The following SDK1 variants were observed in gnomAD, a reference collection of about 807,000 sequenced individuals.
SDK1 encodes the protein protein sidekick-1.
A neutral mutation model predicts 245.5 loss-of-function variants in SDK1; 157 were observed. The ratio of observed to expected loss-of-function variants is 0.64; its 90% confidence interval spans 0.56 to 0.73. The LOEUF (loss-of-function observed/expected upper bound fraction) is 0.73. Ranked by LOEUF, SDK1 falls within the 30% of genes least tolerant of loss-of-function variation. The pLI is 0.00. For missense variants in SDK1, 3,583 were observed against 3,002.3 expected, an observed-to-expected ratio of 1.19 and a Z score of -4.52; for synonymous variants, 1,647 against 1,278.5, an observed-to-expected ratio of 1.29 and a Z score of -6.15.
At chr7:3,576,284 T>A (rs1215267939) in intron 1 of SDK1, among the ~76,000 whole-genome samples, 1 of 152,074 alleles carries the variant, frequency 6.6e-6, no homozygotes, top group Non-Finnish European at 1.5e-5. Context: ...GTTTACGGAG[T>A]GCTGACAGTG....
Position 4,011,076 on chromosome 7 carries a change from G to A in SDK1, c.2242G>A (p.Glu748Lys), listed in dbSNP as rs764445820. The A allele has an allele frequency of 6.2e-7, 1 of 1,614,020 alleles. No individual in the cohort carries two copies. The highest frequency in any genetic ancestry group is 8.5e-7 in the Non-Finnish European group (1 of 1,180,052). Residue 748 changes from glutamate (E) to lysine (K), a missense_variant, in exon 15 of 45, where the codon GAA becomes AAA. Coordinates refer to ENST00000404826, the MANE Select transcript of SDK1 (RefSeq NM_152744.4). ...TYQFRVCAVNEVGRGQYSAET... is the reference protein window; with the variant it reads ...TYQFRVCAVNKVGRGQYSAET... ...TCAATTCCGGGTGTGCGCGGTGAATGAAGTGGGCAGGGGCCAGTACAGCGC... is the reference window on the plus strand; with the variant it reads ...TCAATTCCGGGTGTGCGCGGTGAATAAAGTGGGCAGGGGCCAGTACAGCGC...
intron 22 of SDK1, among the ~76,000 whole-genome samples, chr7:4,093,890 A>G (rs1335975414): frequency 6.6e-6 from 1 of 152,074 alleles, no homozygotes; most frequent in Non-Finnish European, 1.5e-5. Flanking sequence ...TTTCTCTAGC[A>G]CGTCCTTGGT....
At chr7:3,384,907 T>C (rs1486290653) in intron 1 of SDK1, among the ~76,000 whole-genome samples, 2 of 152,152 alleles carry the variant, frequency 1.3e-5, no homozygotes, top group Non-Finnish European at 2.9e-5. Context: ...GTTGAGTAAA[T>C]GGATGAGAGA....
Position 4,205,885 on chromosome 7 carries a change from C to T in SDK1, c.5105C>T (p.Ala1702Val). 1 of 1,553,470 alleles carries T rather than the reference C, an allele frequency of 6.4e-7. No individual in the cohort carries two copies. The highest frequency in any genetic ancestry group is 2.4e-5 in the East Asian group (1 of 41,088). ...CGCATTGCTCTTTCCTCAGCCCCGG[C>T]CATGGCCCCGCAGAACGTGCAGGTG... ...VEVFVGEAAPAMAPQNVQVTP... is the reference protein window; with the variant it reads ...VEVFVGEAAPVMAPQNVQVTP... Residue 1702 changes from alanine to valine, a missense_variant, in exon 36 of 45, where the codon GCC (alanine) becomes GTC (valine). Transcript: ENST00000404826.
intron 5 of SDK1, among the ~76,000 whole-genome samples, chr7:3,865,539 C>T (rs753284437): frequency 7.9e-5 from 12 of 152,294 alleles, no homozygotes; most frequent in Middle Eastern, 3.4e-3. Flanking sequence ...GACAAGGTCT[C>T]GCTCTGTCGC....
intron 30 of SDK1, among the ~76,000 whole-genome samples, chr7:4,154,288 T>C (rs531688314): frequency 1.4e-4 from 22 of 152,326 alleles, no homozygotes; most frequent in Non-Finnish European, 2.2e-4. Context: ...GGTTATTGAT[T>C]TGGGGTAAGC....
At chr7:4,224,783 C>A (rs935192116) in intron 40 of SDK1, among the ~76,000 whole-genome samples, 1 of 151,688 alleles carries the variant, frequency 6.6e-6, no homozygotes, top group Non-Finnish European at 1.5e-5. Flanking sequence ...GAGTTTAAGA[C>A]CAGCCTGACC....
intron 1 of SDK1, among the ~76,000 whole-genome samples, chr7:3,355,269 T>C (rs1438152373): frequency 6.6e-6 from 1 of 152,234 alleles, no homozygotes; most frequent in African/African-American, 2.4e-5. Flanking sequence ...ACTTTTAAAA[T>C]GTAGCTATCC....
chr7:4,003,242 G>C (rs771538450), intron 14 of SDK1, among the ~76,000 whole-genome samples: 2 of 152,184 alleles, frequency 1.3e-5, no homozygotes, highest in Admixed American at 1.3e-4. Context: ...CTCCTAACCT[G>C]CCCCTCCCCT....
chr7:3,491,765 A>T (rs1781869818), intron 1 of SDK1, among the ~76,000 whole-genome samples: 1 of 152,240 alleles, frequency 6.6e-6, no homozygotes, highest in South Asian at 2.1e-4. Flanking sequence ...TGGAACAATA[A>T]ATACAAATTT....
intron 1 of SDK1, among the ~76,000 whole-genome samples, chr7:3,355,296 A>G (rs1011846438): frequency 1.3e-5 from 2 of 152,218 alleles, no homozygotes; most frequent in African/African-American, 4.8e-5. Flanking sequence ...GAAAATTGTG[A>G]AAATGTCCCA....
chr7:3,796,409 G>A (rs1424058853), intron 4 of SDK1, among the ~76,000 whole-genome samples: 1 of 152,216 alleles, frequency 6.6e-6, no homozygotes, highest in Non-Finnish European at 1.5e-5. Flanking sequence ...CTCTGAAGCT[G>A]TTTCGCTGTT....
At chr7:3,907,542 C>T (rs1382421725) in intron 5 of SDK1, among the ~76,000 whole-genome samples, 1 of 152,160 alleles carries the variant, frequency 6.6e-6, no homozygotes, top group Non-Finnish European at 1.5e-5. Context: ...TTGTTTCTGC[C>T]TATTGGCTCT....
At chr7:3,360,980 A>G (rs1000861950) in intron 1 of SDK1, among the ~76,000 whole-genome samples, 8 of 152,222 alleles carry the variant, frequency 5.3e-5, no homozygotes, top group African/African-American at 1.9e-4. Context: ...TTTATAGCAT[A>G]TGTGCTAAAG....
intron 14 of SDK1, among the ~76,000 whole-genome samples, chr7:3,991,661 G>C (rs1443275330): frequency 6.6e-6 from 1 of 152,194 alleles, no homozygotes; most frequent in African/African-American, 2.4e-5. Context: ...GACGTTCCCA[G>C]CTGTCTTTCC....
chr7:4,103,543 C>T (rs1261873207), intron 22 of SDK1, among the ~76,000 whole-genome samples: 4 of 152,196 alleles, frequency 2.6e-5, no homozygotes, highest in African/African-American at 9.7e-5. Context: ...CCCTAGAGGT[C>T]GCTAAGTGTA....
chr7:3,656,159 G>T (rs565986348), intron 4 of SDK1, among the ~76,000 whole-genome samples: 1 of 152,058 alleles, frequency 6.6e-6, no homozygotes, highest in African/African-American at 2.4e-5. Context: ...TTCAGCCCTT[G>T]GTTGGTGATA....
At chr7:3,476,299 C>T (rs1781346086) in intron 1 of SDK1, among the ~76,000 whole-genome samples, 1 of 152,188 alleles carries the variant, frequency 6.6e-6, no homozygotes, top group Non-Finnish European at 1.5e-5. Context: ...CAGCTGTTTG[C>T]TGTTTATACA....
chr7:3,828,362 AT>A (rs573207282), intron 5 of SDK1, among the ~76,000 whole-genome samples: 2 of 152,006 alleles, frequency 1.3e-5, no homozygotes, highest in Non-Finnish European at 2.9e-5. Context: ...ATTGAGAGAT[AT>A]TCTATAACAA....
Sources: gnomAD v4.1 joint callset for allele counts (sites outside exome capture counted in the v4.1 genomes callset) on GRCh38, gnomAD v4.1.1 for gene constraint, MANE v1.5 for transcripts, NCBI Gene and HGNC (gene_info 2026-07-23, HGNC 2026-07-21) for gene names.